ARB2A: variants seen among roughly 807,000 people sequenced by gnomAD.
ARB2A encodes cotranscriptional regulator ARB2A.
chr5:93,800,999 A>G, the ARB2A span, among the ~76,000 whole-genome samples: 2 of 152,186 alleles, frequency 1.3e-5, no homozygotes, highest in Non-Finnish European at 2.9e-5. Flanking sequence ...AGTAATTTTT[A>G]TAAGTAAAAA....
the ARB2A span, among the ~76,000 whole-genome samples, chr5:93,909,252 A>C: frequency 2.0e-5 from 3 of 151,098 alleles, no homozygotes; most frequent in African/African-American, 7.3e-5. Context: ...TTCAGTGGAG[A>C]ATAACAGTTA....
chr5:93,851,343 T>A, the ARB2A span, among the ~76,000 whole-genome samples: 2 of 152,332 alleles, frequency 1.3e-5, no homozygotes, highest in South Asian at 4.1e-4. Context: ...AGGTATGATA[T>A]GACTTATCCA....
At chr5:93,719,391 C>T in the ARB2A span, among the ~76,000 whole-genome samples, 1 of 152,128 alleles carries the variant, frequency 6.6e-6, no homozygotes, top group African/African-American at 2.4e-5. Context: ...ATTACAGATC[C>T]AGAGACGTTC....
the ARB2A span, among the ~76,000 whole-genome samples, chr5:93,746,460 T>C: frequency 6.6e-6 from 1 of 152,224 alleles, no homozygotes; most frequent in South Asian, 2.1e-4. Flanking sequence ...GTTGCTAAAA[T>C]AATTTCTTTG....
the ARB2A span, among the ~76,000 whole-genome samples, chr5:93,828,880 G>A: frequency 6.6e-6 from 1 of 152,098 alleles, no homozygotes; most frequent in South Asian, 2.1e-4. Flanking sequence ...AGGTTCAAGC[G>A]ATTTTCCTGC....
chr5:93,799,054 C>T, the ARB2A span, among the ~76,000 whole-genome samples: 28 of 152,092 alleles, frequency 1.8e-4, no homozygotes, highest in Admixed American at 1.8e-3. Context: ...AAGGTGGAAA[C>T]ATTCATCTTT....
chr5:93,911,698 C>T, the ARB2A span, among the ~76,000 whole-genome samples: 8 of 151,338 alleles, frequency 5.3e-5, no homozygotes, highest in South Asian at 1.5e-3. Flanking sequence ...CTACAATGTT[C>T]TTTTTAATCC....
the ARB2A span, among the ~76,000 whole-genome samples, chr5:93,793,935 A>G: frequency 6.6e-6 from 1 of 152,088 alleles, no homozygotes; most frequent in African/African-American, 2.4e-5. Flanking sequence ...AATCTACCAC[A>G]CTGTTCTTTG....
chr5:93,855,318 T>G, the ARB2A span, among the ~76,000 whole-genome samples: 2 of 152,160 alleles, frequency 1.3e-5, no homozygotes, highest in Non-Finnish European at 2.9e-5. Context: ...TTGGTAGATC[T>G]TCCTCCATCC....
chr5:93,633,232 A>C, the ARB2A span, among the ~76,000 whole-genome samples: 1 of 152,176 alleles, frequency 6.6e-6, no homozygotes, highest in South Asian at 2.1e-4. Flanking sequence ...TCTGCAATCC[A>C]CAGTGATCTA....
At chr5:93,631,862 A>C in the ARB2A span, among the ~76,000 whole-genome samples, 1 of 152,158 alleles carries the variant, frequency 6.6e-6, no homozygotes, top group East Asian at 1.9e-4. Context: ...GACAGAATGA[A>C]TTGCAAAATG....
the ARB2A span, among the ~76,000 whole-genome samples, chr5:93,674,041 G>A: frequency 3.3e-5 from 5 of 152,078 alleles, no homozygotes; most frequent in Non-Finnish European, 5.9e-5. Context: ...TTATCTTAAG[G>A]AGTCTAATCG....
the ARB2A span, chr5:93,805,690 T>A: frequency 2.0e-6 from 2 of 985,066 alleles, no homozygotes; most frequent in Non-Finnish European, 1.2e-6. Flanking sequence ...TACAGCAATT[T>A]TGACTAAATT....
chr5:93,876,080 C>A, the ARB2A span, among the ~76,000 whole-genome samples: 1 of 152,126 alleles, frequency 6.6e-6, no homozygotes, highest in East Asian at 1.9e-4. Flanking sequence ...TATTAAAATT[C>A]ATTATGAATT....
At chr5:94,053,417 T>A in the ARB2A span, among the ~76,000 whole-genome samples, 1 of 152,176 alleles carries the variant, frequency 6.6e-6, no homozygotes, top group Non-Finnish European at 1.5e-5. Context: ...ATAAGCACCT[T>A]GAAAATCATA....
chr5:93,832,766 T>A, the ARB2A span, among the ~76,000 whole-genome samples: 1 of 152,154 alleles, frequency 6.6e-6, no homozygotes, highest in Non-Finnish European at 1.5e-5. Flanking sequence ...TACTTTTTTT[T>A]ACTCCCCTAC....
chr5:93,707,008 C>A, the ARB2A span, among the ~76,000 whole-genome samples: 1 of 151,994 alleles, frequency 6.6e-6, no homozygotes, highest in Non-Finnish European at 1.5e-5. Context: ...ATAATATATC[C>A]ATGTGTGTTT....
chr5:93,836,058 C>T, the ARB2A span, among the ~76,000 whole-genome samples: 10 of 152,178 alleles, frequency 6.6e-5, no homozygotes, highest in Non-Finnish European at 1.2e-4. Flanking sequence ...GACGGAGTCT[C>T]GCTCTGTCGC....
chr5:93,903,297 G>T, the ARB2A span, among the ~76,000 whole-genome samples: 8 of 151,752 alleles, frequency 5.3e-5, no homozygotes, highest in Non-Finnish European at 8.8e-5. Context: ...ATGATTACTG[G>T]ATAAAAAAAG....
Sources: gnomAD v4.1 joint callset for allele counts (sites outside exome capture counted in the v4.1 genomes callset) on GRCh38, gnomAD v4.1.1 for gene constraint, MANE v1.5 for transcripts, NCBI Gene and HGNC (gene_info 2026-07-23, HGNC 2026-07-21) for gene names.